Variants in TTC28 observed in about 807,000 individuals in gnomAD.
TTC28 encodes the protein tetratricopeptide repeat domain 28.
TTC28 carries 61 observed loss-of-function variants against 198.0 expected under a neutral mutation model. The ratio of observed to expected loss-of-function variants is 0.31; its 90% confidence interval spans 0.25 to 0.38. TTC28 has a LOEUF of 0.38. Among genes scored for constraint, TTC28 ranks in the 10% least tolerant of loss-of-function variants. The pLI is 1.00. For missense variants in TTC28, 2,678 were observed against 3,164.0 expected (o/e 0.85, Z 3.69); for synonymous variants, 1,171 against 1,297.8 (o/e 0.90, Z 2.10).
chr22:28,393,219 T>C (rs1238550387), intron 2 of TTC28, among the ~76,000 whole-genome samples: 2 of 152,138 alleles, frequency 1.3e-5, no homozygotes, highest in East Asian at 1.9e-4. Context: ...ATCAGTTCTA[T>C]GTAGGCAGAG....
At chr22:28,028,302 T>TG (rs1938917763) in intron 13 of TTC28, among the ~76,000 whole-genome samples, 1 of 152,312 alleles carries the variant, frequency 6.6e-6, no homozygotes, top group African/African-American at 2.4e-5. Flanking sequence ...TCAGCCTGGC[T>TG]GGGGGCGGAG....
chr22:27,996,288 C>A, intron 16 of TTC28, 29 bp from the exon 17 acceptor site: 1 of 1,545,740 alleles, frequency 6.5e-7, no homozygotes, highest in Non-Finnish European at 8.7e-7. Context: ...GGCACCTCAG[C>A]AGGGCAGCTG....
chr22:28,314,672 C>G (rs1055358934), intron 2 of TTC28, among the ~76,000 whole-genome samples: 8 of 152,090 alleles, frequency 5.3e-5, no homozygotes, highest in Non-Finnish European at 1.2e-4. Context: ...TGCTCCTATT[C>G]GGCCATCTTA....
chr22:28,396,253 T>C (rs1172100608), intron 2 of TTC28, among the ~76,000 whole-genome samples: 2 of 152,182 alleles, frequency 1.3e-5, no homozygotes, highest in African/African-American at 2.4e-5. Flanking sequence ...GAGATTGCAC[T>C]AGTTCAAAGA....
At chr22:28,496,157 T>C (rs2048451997) in intron 2 of TTC28, among the ~76,000 whole-genome samples, 1 of 152,076 alleles carries the variant, frequency 6.6e-6, no homozygotes, top group African/African-American at 2.4e-5. Flanking sequence ...CCCAATCTCT[T>C]CACATGTGAG....
At chr22:28,176,800 A>G (rs1344984807) in intron 5 of TTC28, among the ~76,000 whole-genome samples, 1 of 152,212 alleles carries the variant, frequency 6.6e-6, no homozygotes, top group Non-Finnish European at 1.5e-5. Context: ...AGTTACATGG[A>G]GAAAGGATAG....
At chr22:28,164,811 G>A (rs544518747) in intron 5 of TTC28, among the ~76,000 whole-genome samples, 2 of 152,208 alleles carry the variant, frequency 1.3e-5, no homozygotes, top group African/African-American at 4.8e-5. Flanking sequence ...TTGACAAGTT[G>A]AGAGAAGAAG....
intron 2 of TTC28, among the ~76,000 whole-genome samples, chr22:28,391,473 G>A (rs1052275022): frequency 2.0e-5 from 3 of 152,100 alleles, no homozygotes; most frequent in African/African-American, 7.2e-5. Flanking sequence ...TCACTTTCAG[G>A]TACACCAATC....
At chr22:28,508,755 T>C (rs1465771148) in intron 2 of TTC28, among the ~76,000 whole-genome samples, 1 of 152,086 alleles carries the variant, frequency 6.6e-6, no homozygotes, top group Non-Finnish European at 1.5e-5. Flanking sequence ...CAAAGAGACT[T>C]AGACTTTAGA....
intron 13 of TTC28, among the ~76,000 whole-genome samples, chr22:28,019,827 G>A (rs970115760): frequency 2.0e-5 from 3 of 152,250 alleles, no homozygotes; most frequent in Non-Finnish European, 4.4e-5. Context: ...AGCTTTGAAA[G>A]GGGTGGAAAC....
At chr22:28,606,143 G>T (rs2050729597) in intron 2 of TTC28, among the ~76,000 whole-genome samples, 1 of 151,422 alleles carries the variant, frequency 6.6e-6, no homozygotes, top group South Asian at 2.1e-4. Context: ...GAGTGCAATG[G>T]CACGATCTCG....
At chr22:28,033,367 T>G (rs890165672) in intron 12 of TTC28, among the ~76,000 whole-genome samples, 1 of 152,204 alleles carries the variant, frequency 6.6e-6, no homozygotes, top group African/African-American at 2.4e-5. Context: ...CTCACTCTCC[T>G]GCACCCATTT....
chr22:28,342,853 A>G (rs1443484291), intron 2 of TTC28, among the ~76,000 whole-genome samples: 2 of 152,176 alleles, frequency 1.3e-5, no homozygotes, highest in Admixed American at 6.5e-5. Context: ...AGTATAAAAC[A>G]TTTTCCAAAT....
chr22:28,583,569 CTT>C (rs1354699622), intron 2 of TTC28, among the ~76,000 whole-genome samples: 1 of 152,120 alleles, frequency 6.6e-6, no homozygotes, highest in Non-Finnish European at 1.5e-5. Flanking sequence ...GTGAAAATCT[CTT>C]TGTTTTTCTG....
chr22:28,638,222 A>G (rs952957650), intron 1 of TTC28, among the ~76,000 whole-genome samples: 1 of 152,220 alleles, frequency 6.6e-6, no homozygotes, highest in Non-Finnish European at 1.5e-5. Flanking sequence ...ACATGTACAG[A>G]ACATGCCATC....
chr22:28,591,273 A>G (rs1177115493), intron 2 of TTC28, among the ~76,000 whole-genome samples: 1 of 149,908 alleles, frequency 6.7e-6, no homozygotes, highest in African/African-American at 2.5e-5. Context: ...TCACCTGACT[A>G]TTTTTTTTAT....
chr22:28,032,294 GTATA>G (rs778948919), intron 12 of TTC28, among the ~76,000 whole-genome samples: 1 of 112,746 alleles, frequency 8.9e-6, no homozygotes, highest in African/African-American at 3.5e-5. Flanking sequence ...GTGTGTGTGT[GTATA>G]TGTGTGTGTT....
At chr22:27,987,810 A>G (rs1417947560) in intron 21 of TTC28, among the ~76,000 whole-genome samples, 1 of 152,248 alleles carries the variant, frequency 6.6e-6, no homozygotes, top group Non-Finnish European at 1.5e-5. Flanking sequence ...TGACAAGAGA[A>G]GCATCCCGGA....
Position 28,096,042 on chromosome 22 carries a change from G to A in TTC28, c.3766+148C>T, listed in dbSNP as rs186724302. 24 of 1,249,310 alleles carry A rather than the reference G, an allele frequency of 1.9e-5. No individual in the cohort carries two copies. The East Asian group carries it at 2.2e-4, about 11-fold the overall frequency. The allele number at this position is 1,249,310 out of a possible 1,614,324, so 77.4% of individuals were successfully genotyped here. ...TCTTATTATCTGAATGCCCCACCAC[G>A]GCATATCCACTGCGGCTGAGGTTTT... On this transcript the variant is annotated intron_variant, in intron 11 of 22. Coordinates refer to ENST00000397906, the MANE Select transcript of TTC28 (RefSeq NM_001145418.2).
Sources: allele counts gnomAD v4.1 joint callset (sites outside exome capture counted in the v4.1 genomes callset), GRCh38; gene constraint gnomAD v4.1.1; transcripts MANE v1.5; gene names NCBI Gene and HGNC (gene_info 2026-07-23, HGNC 2026-07-21).